The following ERBIN variants were observed in gnomAD, a reference collection of about 807,000 sequenced individuals.
ERBIN encodes densin-180-like protein.
In ERBIN, 60 loss-of-function variants were observed where a neutral mutation model predicts 158.4. The observed-to-expected ratio is 0.38, with a 90% CI of 0.31 to 0.47. ERBIN has a LOEUF of 0.47. Ranked by LOEUF, ERBIN falls within the 20% of genes least tolerant of loss-of-function variation. The pLI, the probability that ERBIN is intolerant of heterozygous loss-of-function variation, is 0.99. For synonymous variants in ERBIN, 594 were observed against 557.2 expected (o/e 1.07, Z -0.93); for missense variants, 1,610 against 1,648.0 (o/e 0.98, Z 0.40).
At chr5:66,074,503 A>G (rs1284025968) in intron 22 of ERBIN, among the ~76,000 whole-genome samples, 1 of 152,182 alleles carries the variant, frequency 6.6e-6, no homozygotes, top group East Asian at 1.9e-4. Context: ...TTAATTTTGG[A>G]AAAGAAGGAA....
intron 7 of ERBIN, among the ~76,000 whole-genome samples, chr5:66,018,436 TATATA>T (rs1408590076): frequency 6.4e-5 from 5 of 78,720 alleles, no homozygotes; most frequent in East Asian, 6.3e-4. Flanking sequence ...TAAATTGATA[TATATA>T]ATATAATATA....
intron 1 of ERBIN, among the ~76,000 whole-genome samples, chr5:65,931,686 C>G (rs1743401772): frequency 6.6e-6 from 1 of 152,120 alleles, no homozygotes; most frequent in African/African-American, 2.4e-5. Flanking sequence ...TAATAGAAAA[C>G]AGCTCGATTC....
intron 1 of ERBIN, among the ~76,000 whole-genome samples, chr5:65,957,303 G>A (rs1747271977): frequency 6.6e-6 from 1 of 151,996 alleles, no homozygotes; most frequent in East Asian, 1.9e-4. Context: ...ACAGTGGAGG[G>A]AAGGTCAGCA....
rs367612099 is a variant in ERBIN, at chr5:66,067,019, A to G, written c.3634-5150A>G. Among the ~76,000 whole-genome samples, 17 of 152,344 alleles carry G rather than the reference A, an allele frequency of 1.1e-4. No homozygotes were observed. In the South Asian group the frequency reaches 3.5e-3, roughly 32 times the overall value. ...TCTAAAGGGTTAATCAGGCCACTTG[A>G]GTCAATAACACATTAAAGCTCTCTG... On this transcript the variant is annotated intron_variant, in intron 21 of 25. Coordinates refer to ENST00000284037, the MANE Select transcript of ERBIN (RefSeq NM_001253697.2).
chr5:66,048,364 G>T (rs1758663921), intron 18 of ERBIN, among the ~76,000 whole-genome samples: 1 of 151,890 alleles, frequency 6.6e-6, no homozygotes. Context: ...ATATATGGTT[G>T]AAAGTTACTA....
intron 21 of ERBIN, among the ~76,000 whole-genome samples, chr5:66,058,182 C>T (rs558517676): frequency 6.6e-6 from 1 of 151,928 alleles, no homozygotes; most frequent in South Asian, 2.1e-4. Context: ...TTCTCCACAT[C>T]CTCTCCAGCA....
At chr5:66,078,175 T>C (rs1561465670) in intron 25 of ERBIN, among the ~76,000 whole-genome samples, 1 of 152,208 alleles carries the variant, frequency 6.6e-6, no homozygotes, top group African/African-American at 2.4e-5. Context: ...TGACATTATT[T>C]CTTAAGTAAG....
intron 4 of ERBIN, among the ~76,000 whole-genome samples, chr5:65,997,508 GGA>G (rs1752561991): frequency 6.6e-6 from 1 of 152,100 alleles, no homozygotes; most frequent in Admixed American, 6.5e-5. Flanking sequence ...TACCTCAGAA[GGA>G]GAGAGAAATC....
At chr5:66,061,440 T>C (rs1296625301) in intron 21 of ERBIN, among the ~76,000 whole-genome samples, 2 of 152,182 alleles carry the variant, frequency 1.3e-5, no homozygotes, top group Admixed American at 1.3e-4. Context: ...TGTGTGTCCT[T>C]GCATGTGAGA....
At chr5:65,936,485 G>A (rs1203651308) in intron 1 of ERBIN, among the ~76,000 whole-genome samples, 2 of 152,146 alleles carry the variant, frequency 1.3e-5, no homozygotes, top group African/African-American at 4.8e-5. Context: ...TATAGTAGAT[G>A]CTTTTTGATT....
chr5:66,046,067 C>T (rs1329663305), intron 17 of ERBIN, among the ~76,000 whole-genome samples: 1 of 151,070 alleles, frequency 6.6e-6, no homozygotes, highest in Non-Finnish European at 1.5e-5. Flanking sequence ...GTTTGCTGAG[C>T]TAAGTGACTC....
intron 13 of ERBIN, 55 bp downstream of exon 13, chr5:66,026,472 T>A: frequency 1.1e-6 from 1 of 940,098 alleles, no homozygotes; most frequent in Non-Finnish European, 1.6e-6. Flanking sequence ...TTAGATGAAA[T>A]TAAGTTTCAT....
intron 1 of ERBIN, among the ~76,000 whole-genome samples, chr5:65,955,034 C>T (rs969208172): frequency 3.9e-5 from 6 of 151,942 alleles, no homozygotes; most frequent in African/African-American, 1.5e-4. Context: ...CACTTGCACT[C>T]CAGCCTGGGT....
rs148846659 is a variant in ERBIN at position 65,938,954 on chromosome 5, T to A, written c.-58+12148T>A. On this transcript the variant is annotated intron_variant, in intron 1 of 25. Transcript: ENST00000284037. Reference sequence around the variant, plus strand: ...ATGGCCTCTTCAACCTTGTTGTTCCTGAACTGGATTTTTATTTATCTCTAA... The same window carrying A: ...ATGGCCTCTTCAACCTTGTTGTTCCAGAACTGGATTTTTATTTATCTCTAA... Among the ~76,000 whole-genome samples the A allele has an allele frequency of 5.2e-3, 797 of 152,290 alleles. 6 individuals carry two copies. The highest frequency in any genetic ancestry group is 0.01 in the Middle Eastern group (3 of 294).
At chr5:65,941,608 T>C (rs1745053939) in intron 1 of ERBIN, among the ~76,000 whole-genome samples, 1 of 144,522 alleles carries the variant, frequency 6.9e-6, no homozygotes, top group Non-Finnish European at 1.5e-5. Flanking sequence ...TTAATTATTG[T>C]AGTAGGCTTG....
In ERBIN at chr5:66,076,899, C is replaced by A. The variant is rs1762027014; in HGVS notation, c.4081C>A (p.Pro1361Thr). ...DDGIFVTRVQ[P>T]EGPASKLLQP... ...GGGTATATTTGTAACAAGGGTACAA[C>A]CTGAAGGACCAGCATCAAAATTACT... The change falls in exon 25 of 26, where the codon CCT (proline) becomes ACT (threonine). Residue 1361 changes from proline (P) to threonine (T), a missense_variant. Coordinates refer to ENST00000284037, the MANE Select transcript of ERBIN (RefSeq NM_001253697.2). 2 of 1,608,920 alleles carry A rather than the reference C, an allele frequency of 1.2e-6. No individual in the cohort carries two copies. The highest frequency in any genetic ancestry group is 1.7e-6 in the Non-Finnish European group (2 of 1,177,014).
At chr5:65,977,731 C>G (rs1314237282) in intron 1 of ERBIN, among the ~76,000 whole-genome samples, 1 of 151,214 alleles carries the variant, frequency 6.6e-6, no homozygotes, top group Non-Finnish European at 1.5e-5. Context: ...CAGGCGGAGA[C>G]GCTCCTCACT....
intron 8 of ERBIN, chr5:66,023,069 C>T: frequency 2.5e-6 from 1 of 394,176 alleles, no homozygotes; most frequent in Non-Finnish European, 4.4e-6. Flanking sequence ...TCTTTGATTT[C>T]TCCATTAATA....
At chr5:65,943,911 C>T (rs768509784) in intron 1 of ERBIN, among the ~76,000 whole-genome samples, 2 of 152,182 alleles carry the variant, frequency 1.3e-5, no homozygotes, top group Non-Finnish European at 2.9e-5. Context: ...ATTATTTTGA[C>T]CAAGTACCTC....
Sources: allele counts gnomAD v4.1 joint callset (sites outside exome capture counted in the v4.1 genomes callset), GRCh38; gene constraint gnomAD v4.1.1; transcripts MANE v1.5; gene names NCBI Gene and HGNC (gene_info 2026-07-23, HGNC 2026-07-21).